The following STK32B variants were observed in gnomAD, a reference collection of about 807,000 sequenced individuals.
The protein encoded by STK32B is serine/threonine-protein kinase 32B.
STK32B carries 43 observed loss-of-function variants against 52.6 expected under a neutral mutation model. The observed-to-expected ratio is 0.82, with a 90% confidence interval of 0.64 to 1.05. The LOEUF is 1.05. STK32B is among the 50% of genes least tolerant of loss of function. The pLI, the probability that STK32B is intolerant of heterozygous loss-of-function variation, is 0.00. For missense variants in STK32B, 621 were observed against 534.6 expected, an observed-to-expected ratio of 1.16 and a Z score of -1.59; for synonymous variants, 238 against 204.3, an observed-to-expected ratio of 1.17 and a Z score of -1.41.
At chr4:5,139,180 C>T (rs548107082) in intron 1 of STK32B, among the ~76,000 whole-genome samples, 162 of 152,044 alleles carry the variant, frequency 1.1e-3, no homozygotes, top group African/African-American at 3.6e-3. Flanking sequence ...GATGAAAGAC[C>T]GGATGTGGGG....
intron 3 of STK32B, among the ~76,000 whole-genome samples, chr4:5,260,264 C>T: frequency 6.6e-6 from 1 of 152,212 alleles, no homozygotes; most frequent in East Asian, 1.9e-4. Flanking sequence ...GTCCATTAAT[C>T]TCCCAGCACT....
intron 3 of STK32B, among the ~76,000 whole-genome samples, chr4:5,306,397 T>G (rs1729928485): frequency 6.6e-6 from 1 of 152,132 alleles, no homozygotes; most frequent in Non-Finnish European, 1.5e-5. Context: ...AGCGTTAGGT[T>G]CACATATATT....
At chr4:5,085,766 G>A (rs1275901116) in intron 1 of STK32B, among the ~76,000 whole-genome samples, 1 of 152,188 alleles carries the variant, frequency 6.6e-6, no homozygotes, top group Non-Finnish European at 1.5e-5. Flanking sequence ...GCTGAACTTT[G>A]TTGAGAACAG....
chr4:5,093,101 GA>G (rs1220669434), intron 1 of STK32B, among the ~76,000 whole-genome samples: 1 of 151,816 alleles, frequency 6.6e-6, no homozygotes, highest in East Asian at 1.9e-4. Flanking sequence ...TCAACAATTT[GA>G]AAAAAACTTG....
chr4:5,219,420 G>A (rs1723384939), intron 3 of STK32B, among the ~76,000 whole-genome samples: 1 of 152,260 alleles, frequency 6.6e-6, no homozygotes, highest in African/African-American at 2.4e-5. Flanking sequence ...CAGAAAAAGA[G>A]AAGAGCCTTG....
At chr4:5,150,003 G>A (rs930710254) in intron 2 of STK32B, among the ~76,000 whole-genome samples, 1 of 151,494 alleles carries the variant, frequency 6.6e-6, no homozygotes, top group East Asian at 1.9e-4. Flanking sequence ...AGATTTTTAG[G>A]TTGACAGGTG....
rs75613461 is a variant in STK32B at position 5,123,352 on chromosome 4, C to T, written c.53-16553C>T. ...CATCTTCCTTGGAGCCTCATGCAGCCGGCACAAATGAGGATTGAAGGAGTT... is the reference window on the plus strand; with the variant it reads ...CATCTTCCTTGGAGCCTCATGCAGCTGGCACAAATGAGGATTGAAGGAGTT... On this transcript the variant is annotated intron_variant, in intron 1 of 11. Transcript: ENST00000282908. Among the ~76,000 whole-genome samples the T allele has an allele frequency of 3.6e-3, 542 of 152,278 alleles. 15 individuals carry two copies. In the East Asian group the frequency reaches 0.075, roughly 21 times the overall value.
At chr4:5,284,923 A>T (rs1254827659) in intron 3 of STK32B, among the ~76,000 whole-genome samples, 2 of 152,222 alleles carry the variant, frequency 1.3e-5, no homozygotes, top group African/African-American at 2.4e-5. Flanking sequence ...CCCAAGAAAC[A>T]GAAAAATCAT....
At chr4:5,468,643 A>T (rs1717620010) in intron 11 of STK32B, among the ~76,000 whole-genome samples, 2 of 152,066 alleles carry the variant, frequency 1.3e-5, no homozygotes, top group African/African-American at 2.4e-5. Context: ...GCAGCCTGGG[A>T]TGGGAAAAGA....
Position 5,361,655 on chromosome 4 carries a change from ATT to A in STK32B, c.434+30269_434+30270del, listed in dbSNP as rs757444160. Among the ~76,000 whole-genome samples the A allele has an allele frequency of 1.5e-3, 230 of 152,184 alleles. 1 individual carries two copies. Among genetic ancestry groups the A allele is most frequent in the Middle Eastern group, 6.8e-3 (2 of 294 alleles). ...AGGCCATATTGCTTGGCCTATTTCAATTTTTTTTGAAGAACGTCTGGACTAGA... is the reference window on the plus strand; with the variant it reads ...AGGCCATATTGCTTGGCCTATTTCAATTTTTTGAAGAACGTCTGGACTAGA... On this transcript the variant is annotated intron_variant, in intron 4 of 11. Coordinates refer to ENST00000282908, the MANE Select transcript of STK32B (RefSeq NM_018401.3).
In STK32B at chr4:5,400,683, T is replaced by A. The variant is rs959016652; in HGVS notation, c.472+2439T>A. Among the ~76,000 whole-genome samples, 1 of 152,154 alleles carries A rather than the reference T, an allele frequency of 6.6e-6. No individual in the cohort carries two copies. Among genetic ancestry groups the A allele is most frequent in the African/African-American group, 2.4e-5 (1 of 41,438 alleles). On this transcript the variant is annotated intron_variant, in intron 5 of 11. Transcript: ENST00000282908. This position sits in a 1 kb window ranked among gnomAD's most constrained non-coding sequence, Gnocchi z 6.1. ...CGCTCAGAAAAAGAAGAGTCTCCTT[T>A]CTGGGGAGAGAAGAGAAAGAGAGAA...
At chr4:5,452,097 T>G (rs6847656) in intron 7 of STK32B, among the ~76,000 whole-genome samples, 31,791 of 152,008 alleles carry the variant, frequency 0.21, 3,767 homozygotes, top group South Asian at 0.37. Flanking sequence ...AGCAGAGATG[T>G]GTTCCCATCC....
At chr4:5,141,616 A>G (rs1373685503) in intron 2 of STK32B, among the ~76,000 whole-genome samples, 1 of 152,158 alleles carries the variant, frequency 6.6e-6, no homozygotes, top group Non-Finnish European at 1.5e-5. Context: ...GGGAGGGGCC[A>G]CAGCAGCAGC....
At chr4:5,150,937 A>C (rs1006363448) in intron 2 of STK32B, among the ~76,000 whole-genome samples, 1 of 152,178 alleles carries the variant, frequency 6.6e-6, no homozygotes, top group African/African-American at 2.4e-5. Flanking sequence ...TTAGCATCAC[A>C]AAGAGGCATA....
chr4:5,394,378 C>T lies in STK32B; in HGVS notation c.435-3829C>T, dbSNP rs188650548. ...TTCAAACCCGTTTTCAACAGGATGA[C>T]GCGCTGGAGCTGAGATACGATCAAT... On this transcript the variant is annotated intron_variant, in intron 4 of 11. Transcript: ENST00000282908. The surrounding 1 kb of genome is among the most constrained non-coding windows in gnomAD (Gnocchi z 4.2). Among the ~76,000 whole-genome samples, 27 of 152,260 alleles carry T rather than the reference C, an allele frequency of 1.8e-4. No individual in the cohort carries two copies. Among genetic ancestry groups the T allele is most frequent in the East Asian group, 1.5e-3 (8 of 5,180 alleles).
chr4:5,166,096 T>C (rs1304989737), intron 2 of STK32B, among the ~76,000 whole-genome samples: 3 of 151,234 alleles, frequency 2.0e-5, no homozygotes, highest in Admixed American at 2.0e-4. Flanking sequence ...CTTGAATAGA[T>C]TTGCAACGTG....
At chr4:5,264,855 A>G (rs1366043552) in intron 3 of STK32B, among the ~76,000 whole-genome samples, 1 of 152,204 alleles carries the variant, frequency 6.6e-6, no homozygotes, top group Non-Finnish European at 1.5e-5. Context: ...CTTTGTCATG[A>G]ATGTATTTTG....
chr4:5,302,350 TATTA>T (rs1222660930), intron 3 of STK32B, among the ~76,000 whole-genome samples: 1 of 152,036 alleles, frequency 6.6e-6, no homozygotes, highest in African/African-American at 2.4e-5. Context: ...ATTAACATAT[TATTA>T]TTATTAGTTC....
At chr4:5,174,977 A>G (rs543379387) in intron 3 of STK32B, among the ~76,000 whole-genome samples, 2 of 152,154 alleles carry the variant, frequency 1.3e-5, no homozygotes, top group South Asian at 4.2e-4. Context: ...ATAGTCCCAT[A>G]TTTCTTGTAG....
Sources: gnomAD v4.1 joint callset for allele counts (sites outside exome capture counted in the v4.1 genomes callset) on GRCh38, gnomAD v4.1.1 for gene constraint, Gnocchi (gnomAD v3.1) non-coding constraint, MANE v1.5 for transcripts, NCBI Gene and HGNC (gene_info 2026-07-23, HGNC 2026-07-21) for gene names.